Variants in SUPT3H observed in about 807,000 individuals in gnomAD.
The protein encoded by SUPT3H is SPT3 homolog, SAGA and STAGA complex component.
In SUPT3H, 44 loss-of-function variants were observed where a neutral mutation model predicts 44.3. That is an observed-to-expected ratio of 0.99 (90% CI 0.78 to 1.28). SUPT3H has a LOEUF of 1.28. Among genes scored for constraint, SUPT3H ranks in the 50% most tolerant of loss-of-function variants. SUPT3H has a pLI of 0.00. For missense variants in SUPT3H, 380 were observed against 387.1 expected (o/e 0.98, Z 0.15); for synonymous variants, 124 against 125.6 (o/e 0.99, Z 0.09).
chr6:44,977,452 A>G (rs1224567434), intron 6 of SUPT3H, among the ~76,000 whole-genome samples: 1 of 152,168 alleles, frequency 6.6e-6, no homozygotes, highest in African/African-American at 2.4e-5. Flanking sequence ...ATTTTTTAAA[A>G]ATACTTTTTA....
intron 10 of SUPT3H, among the ~76,000 whole-genome samples, chr6:44,925,151 T>G (rs1312916002): frequency 6.6e-6 from 1 of 152,204 alleles, no homozygotes; most frequent in Non-Finnish European, 1.5e-5. Flanking sequence ...TGAAAACATC[T>G]CTAGTACCCT....
intron 11 of SUPT3H, among the ~76,000 whole-genome samples, chr6:44,820,723 G>A (rs1767244260): frequency 6.6e-6 from 1 of 152,332 alleles, no homozygotes; most frequent in South Asian, 2.1e-4. Context: ...ACAGATCTAT[G>A]AAATGGTATT....
intron 2 of SUPT3H, among the ~76,000 whole-genome samples, chr6:45,316,190 A>T (rs58892785): frequency 0.18 from 27,418 of 152,042 alleles, 3,850 homozygotes; most frequent in African/African-American, 0.39. Flanking sequence ...GTGGGAGTGA[A>T]GTGGGGGATA....
At chr6:45,320,114 G>A (rs1033447197) in intron 2 of SUPT3H, among the ~76,000 whole-genome samples, 1 of 151,794 alleles carries the variant, frequency 6.6e-6, no homozygotes, top group African/African-American at 2.4e-5. Context: ...CCATAGACAC[G>A]ATCTTTCACG....
intron 3 of SUPT3H, among the ~76,000 whole-genome samples, chr6:45,075,109 C>T (rs561436108): frequency 5.9e-5 from 9 of 152,154 alleles, no homozygotes; most frequent in East Asian, 1.9e-4. Flanking sequence ...AGTGCCTTTT[C>T]GGCATACAAT....
At chr6:45,029,409 T>C (rs1294166755) in intron 3 of SUPT3H, among the ~76,000 whole-genome samples, 2 of 151,138 alleles carry the variant, frequency 1.3e-5, no homozygotes, top group Non-Finnish European at 3.0e-5. Context: ...TGTGTATATA[T>C]ATATAATTAC....
chr6:45,326,565 A>G (rs1786380328), intron 2 of SUPT3H, among the ~76,000 whole-genome samples: 1 of 151,962 alleles, frequency 6.6e-6, no homozygotes, highest in South Asian at 2.1e-4. Flanking sequence ...ATAAAACACC[A>G]AAATGTATTT....
At chr6:44,986,603 A>T (rs1396669901) in intron 6 of SUPT3H, among the ~76,000 whole-genome samples, 1 of 152,094 alleles carries the variant, frequency 6.6e-6, no homozygotes, top group Admixed American at 6.6e-5. Context: ...CCTTTATCCT[A>T]CCCAAAGGTT....
intron 1 of SUPT3H, among the ~76,000 whole-genome samples, chr6:45,368,180 T>C (rs1014776437): frequency 1.3e-5 from 2 of 152,158 alleles, no homozygotes; most frequent in African/African-American, 4.8e-5. Context: ...AATGCATCTG[T>C]TTGCCATATT....
chr6:44,812,210 T>G (rs1020948540), intron 11 of SUPT3H, among the ~76,000 whole-genome samples: 1 of 152,238 alleles, frequency 6.6e-6, no homozygotes, highest in Non-Finnish European at 1.5e-5. Flanking sequence ...AAATCAGTGT[T>G]GTCAGACTAT....
chr6:45,213,160 G>A (rs1045746683), intron 2 of SUPT3H, among the ~76,000 whole-genome samples: 1 of 152,190 alleles, frequency 6.6e-6, no homozygotes, highest in African/African-American at 2.4e-5. Context: ...GTTCCCTCAT[G>A]ATTCATTTAG....
At chr6:45,063,196 G>A (rs1792498744) in intron 3 of SUPT3H, among the ~76,000 whole-genome samples, 1 of 144,432 alleles carries the variant, frequency 6.9e-6, no homozygotes, top group Admixed American at 7.0e-5. Context: ...CCCCAGCAGG[G>A]GCACACTGAC....
chr6:44,823,777 C>T (rs540922897), downstream of SUPT3H, among the ~76,000 whole-genome samples: 1 of 152,186 alleles, frequency 6.6e-6, no homozygotes, highest in Non-Finnish European at 1.5e-5. Flanking sequence ...ACCTGGCCAA[C>T]ATAGTGAAAC....
At position 44,928,488 on chromosome 6, in the gene SUPT3H, C is replaced by T. The variant is rs117204716; in HGVS notation, c.912+4165G>A. On this transcript the variant is annotated intron_variant, in intron 10 of 10. Coordinates refer to ENST00000371459, the MANE Select transcript of SUPT3H (RefSeq NM_003599.4). ...AGGGGTTGGAAGGCCTGAATCTTAG[C>T]TCTGGTTTAATTTAATTTAATCTAA... Among the ~76,000 whole-genome samples, 121 of 152,192 alleles carry T rather than the reference C, an allele frequency of 8.0e-4. 4 individuals are homozygous for T. The East Asian group carries it at 0.023, about 29-fold the overall frequency.
intron 4 of SUPT3H, among the ~76,000 whole-genome samples, chr6:45,020,114 G>A (rs1211110122): frequency 1.3e-5 from 2 of 151,804 alleles, no homozygotes; most frequent in Non-Finnish European, 2.9e-5. Flanking sequence ...TTTCAATAAG[G>A]TAGAGCTACA....
At chr6:45,258,049 T>A (rs1438979362) in intron 2 of SUPT3H, among the ~76,000 whole-genome samples, 1 of 152,244 alleles carries the variant, frequency 6.6e-6, no homozygotes, top group East Asian at 1.9e-4. Flanking sequence ...TTCCTAGGCA[T>A]GATGTTAACA....
intron 3 of SUPT3H, among the ~76,000 whole-genome samples, chr6:45,079,385 G>A (rs756322642): frequency 6.7e-6 from 1 of 149,654 alleles, no homozygotes. Context: ...AGGAGGAGAA[G>A]TGGAAGAAGG....
At chr6:45,218,955 TAATC>T (rs1436096894) in intron 2 of SUPT3H, among the ~76,000 whole-genome samples, 1 of 152,198 alleles carries the variant, frequency 6.6e-6, no homozygotes, top group Admixed American at 6.5e-5. Flanking sequence ...ATCAAACTAT[TAATC>T]AATAACAGAA....
intron 7 of SUPT3H, chr6:44,955,561 C>T (rs1302667056): frequency 1.3e-5 from 2 of 152,342 alleles, no homozygotes; most frequent in African/African-American, 4.8e-5. Flanking sequence ...TCCCCCACAA[C>T]AGCCACAGCA....
Sources: gnomAD v4.1 joint callset for allele counts (sites outside exome capture counted in the v4.1 genomes callset) on GRCh38, gnomAD v4.1.1 for gene constraint, MANE v1.5 for transcripts, NCBI Gene and HGNC (gene_info 2026-07-23, HGNC 2026-07-21) for gene names.